The following RDX variants were observed in gnomAD, a reference collection of about 807,000 sequenced individuals.
RDX encodes radixin, also known as deafness, autosomal recessive 24.
A neutral mutation model predicts 83.7 loss-of-function variants in RDX; 32 were observed. The observed-to-expected ratio is 0.38, with a 90% CI of 0.29 to 0.51. The LOEUF (loss-of-function observed/expected upper bound fraction) is 0.51, where lower values mean the gene tolerates loss of function less well. RDX is among the 20% of genes least tolerant of loss of function. The pLI is 0.87. For missense variants in RDX, 600 were observed against 689.9 expected, an observed-to-expected ratio of 0.87 and a Z score of 1.46; for synonymous variants, 229 against 222.7, an observed-to-expected ratio of 1.03 and a Z score of -0.25.
At position 110,237,407 on chromosome 11, in the gene RDX, A is replaced by G. The variant is rs751189538; in HGVS notation, c.1251+85T>C. 3.0e-6 allele frequency: 4 copies of G among 1,336,364 alleles called. No homozygotes were observed. The African/African-American group carries it at 5.9e-5, about 20-fold the overall frequency. 82.8% of individuals were successfully genotyped at this position (1,336,364 alleles called of 1,614,324 possible). A position where few individuals can be genotyped will look rare whatever the true frequency, so the allele number is the denominator to read the frequency against. ...TGGCTTGCTCTCCAGAAAGCACAAA[A>G]TGGTTGCTTTTCTTTTTTTCTTTTT... On this transcript the variant is annotated intron_variant, in intron 11 of 13. Transcript: ENST00000645495.
At chr11:110,198,838 G>C (rs1165867898) in intron 15 of RDX, among the ~76,000 whole-genome samples, 1 of 147,360 alleles carries the variant, frequency 6.8e-6, no homozygotes, top group Non-Finnish European at 1.5e-5. Context: ...TTTTTTTTGA[G>C]ACGGAGTCTC....
In RDX at chr11:110,279,598, C is replaced by T. The variant is rs528712814; in HGVS notation, c.12+83G>A. The T allele has an allele frequency of 1.1e-4, 106 of 929,780 alleles. 1 individual carries two copies. In the South Asian group the frequency reaches 1.4e-3, roughly 12 times the overall value. 57.6% of individuals were successfully genotyped at this position (929,780 alleles called of 1,614,324 possible). A position where few individuals can be genotyped will look rare whatever the true frequency, so the allele number is the denominator to read the frequency against. ...GTGCCTTTTTCTTCCAACAACTCTA[C>T]CAACATTCTTTGTCTTGTTCCAAAA... On this transcript the variant is annotated intron_variant, in intron 2 of 13. Transcript: ENST00000645495.
At chr11:110,233,133 C>T in intron 13 of RDX, 104 bp downstream of exon 13, 1 of 1,381,472 alleles carries the variant, frequency 7.2e-7, no homozygotes, top group Non-Finnish European at 1.0e-6. Context: ...ATCACAAGGG[C>T]AGCCAGTATT....
chr11:110,221,102 C>T (rs1224713177), intron 14 of RDX, among the ~76,000 whole-genome samples: 1 of 152,106 alleles, frequency 6.6e-6, no homozygotes, highest in Non-Finnish European at 1.5e-5. Flanking sequence ...CCATTACAGG[C>T]TAAGCCCTTC....
chr11:110,215,305 G>A (rs1200565674), intron 14 of RDX, among the ~76,000 whole-genome samples: 2 of 150,358 alleles, frequency 1.3e-5, no homozygotes, highest in East Asian at 3.9e-4. Context: ...AGAGGTTGCA[G>A]TGAGCTGAGA....
At chr11:110,240,925 G>A (rs1386174012) in intron 10 of RDX, among the ~76,000 whole-genome samples, 6 of 150,244 alleles carry the variant, frequency 4.0e-5, no homozygotes, top group Non-Finnish European at 5.9e-5. Flanking sequence ...GTGTGGTGGC[G>A]GGCGCCTGTA....
At chr11:110,214,062 A>T (rs1465815600) in intron 14 of RDX, among the ~76,000 whole-genome samples, 2 of 109,772 alleles carry the variant, frequency 1.8e-5, no homozygotes, top group Non-Finnish European at 3.7e-5. Context: ...CAACCTACAA[A>T]ATGGGAGAAA....
chr11:110,229,717 A>G lies in RDX; in HGVS notation c.*2152T>C, dbSNP rs546695734. 6.6e-6 allele frequency: 1 copy of G among 152,648 alleles called. No individual in the cohort carries two copies. The highest frequency in any genetic ancestry group is 1.9e-4 in the East Asian group (1 of 5,194). The allele number at this position is 152,648 out of a possible 1,614,324, so 9.5% of individuals were successfully genotyped here. A position where few individuals can be genotyped will look rare whatever the true frequency, so the allele number is the denominator to read the frequency against. ...ACAGCCTTAAAAATGGATTAAATCC[A>G]TTTTAATCCTAATCTACAAATAGAT... On this transcript the variant is annotated 3_prime_UTR_variant, in exon 14 of 14. Coordinates refer to ENST00000645495, the MANE Select transcript of RDX (RefSeq NM_002906.4).
intron 1 of RDX, among the ~76,000 whole-genome samples, chr11:110,283,793 T>C (rs7103983): frequency 0.042 from 6,430 of 152,098 alleles, 455 homozygotes; most frequent in African/African-American, 0.15. Flanking sequence ...AAGAAAGATA[T>C]ATAGGTTATA....
intron 3 of RDX, among the ~76,000 whole-genome samples, chr11:110,271,586 G>C (rs1181182993): frequency 6.6e-6 from 1 of 152,140 alleles, no homozygotes; most frequent in African/African-American, 2.4e-5. Context: ...TTAAAATACT[G>C]ATAATTTAGA....
intron 5 of RDX, among the ~76,000 whole-genome samples, chr11:110,260,864 T>C (rs1420787325): frequency 6.6e-6 from 1 of 152,214 alleles, no homozygotes; most frequent in Admixed American, 6.5e-5. Context: ...ACTAATACAC[T>C]ACAAATGCTA....
chr11:110,188,731 T>C lies in RDX; in HGVS notation c.*31+10850A>G, dbSNP rs140272261. Among the ~76,000 whole-genome samples, 370 of 152,266 alleles carry C rather than the reference T, an allele frequency of 2.4e-3. 1 individual carries two copies. Among genetic ancestry groups the C allele is most frequent in the African/African-American group, 7.5e-3 (311 of 41,554 alleles). On this transcript the variant is annotated intron_variant, in intron 15 of 15. Transcript: ENST00000528498. ...ATTCTCAAAGAAATTCCAACAAAGA[T>C]GCTATATCCTACCACACTAAGCTTC...
intron 9 of RDX, 141 bp from the exon 10 acceptor site, chr11:110,247,974 TGAAG>T: frequency 2.2e-6 from 2 of 924,206 alleles, no homozygotes; most frequent in Non-Finnish European, 3.2e-6. Context: ...TGATTCTAAG[TGAAG>T]TAACTCAGAA....
At chr11:110,215,369 T>C (rs11213315) in intron 14 of RDX, among the ~76,000 whole-genome samples, 3 of 57,168 alleles carry the variant, frequency 5.2e-5, no homozygotes, top group Non-Finnish European at 9.8e-5. Flanking sequence ...TCTCAAAAAA[T>C]AAATAAATAA....
intron 12 of RDX, among the ~76,000 whole-genome samples, chr11:110,234,512 T>A (rs1397435886): frequency 6.6e-6 from 1 of 152,186 alleles, no homozygotes; most frequent in Admixed American, 6.5e-5. Flanking sequence ...ACAGGAAGTA[T>A]CCTGGAAGAA....
At chr11:110,176,813 G>A (rs1335917455) in intron 15 of RDX, among the ~76,000 whole-genome samples, 2 of 152,176 alleles carry the variant, frequency 1.3e-5, no homozygotes, top group African/African-American at 4.8e-5. Context: ...AGCCGAAGGT[G>A]GTGGGTGCGT....
In RDX at chr11:110,233,494, T is replaced by A; in HGVS notation, c.1345-15A>T. On this transcript the variant is annotated splice_polypyrimidine_tract_variant and intron_variant, in intron 12 of 13. Coordinates refer to ENST00000645495, the MANE Select transcript of RDX (RefSeq NM_002906.4). ...GCTGCAAAAGCCTGAACATTAAAAA[T>A]ACGTTTATGAGCAACTTACTTCAAA... 6.2e-7 allele frequency: 1 copy of A among 1,613,904 alleles called. No homozygotes were observed.
intron 1 of RDX, among the ~76,000 whole-genome samples, chr11:110,289,666 C>T (rs1861134285): frequency 6.6e-6 from 1 of 152,000 alleles, no homozygotes; most frequent in Non-Finnish European, 1.5e-5. Flanking sequence ...CCAGAAATCT[C>T]GGCACTTTGG....
At chr11:110,293,384 G>T (rs1478290859) in intron 1 of RDX, among the ~76,000 whole-genome samples, 5 of 151,964 alleles carry the variant, frequency 3.3e-5, no homozygotes, top group Admixed American at 3.3e-4. Context: ...CACTTTTATA[G>T]TTTTTTTTAA....
Sources: gnomAD v4.1 joint callset for allele counts (sites outside exome capture counted in the v4.1 genomes callset) on GRCh38, gnomAD v4.1.1 for gene constraint, MANE v1.5 for transcripts, NCBI Gene and HGNC (gene_info 2026-07-23, HGNC 2026-07-21) for gene names.